Variants in RPS6KC1 observed in about 807,000 individuals in gnomAD.
The protein encoded by RPS6KC1 is ribosomal protein S6 kinase C1.
In RPS6KC1, 54 loss-of-function variants were observed where a neutral mutation model predicts 103.8. The ratio of observed to expected loss-of-function variants is 0.52; its 90% CI spans 0.42 to 0.65. The LOEUF is 0.65. Ranked by LOEUF, RPS6KC1 falls within the 30% of genes least tolerant of loss-of-function variation. The pLI is 0.00. For missense variants in RPS6KC1, 1,151 were observed against 1,253.8 expected (o/e 0.92, Z 1.24); for synonymous variants, 439 against 438.7 (o/e 1.00, Z -0.01).
the RPS6KC1 span, among the ~76,000 whole-genome samples, chr1:213,375,571 G>A: frequency 6.6e-6 from 1 of 152,200 alleles, no homozygotes; most frequent in Non-Finnish European, 1.5e-5. Context: ...GTTGAGGGAT[G>A]TAGGAGATTG....
At chr1:213,363,667 T>TTTCG in the RPS6KC1 span, among the ~76,000 whole-genome samples, 1 of 100,118 alleles carries the variant, frequency 1.0e-5, no homozygotes, top group African/African-American at 5.6e-5. Flanking sequence ...TCTTTCTTTC[T>TTTCG]TTCTTTCTTT....
chr1:213,268,526 C>G (rs1036691904), intron 14 of RPS6KC1, among the ~76,000 whole-genome samples: 1 of 147,416 alleles, frequency 6.8e-6, no homozygotes, highest in East Asian at 2.0e-4. Context: ...ATAGAAAAGA[C>G]AAAAAAATAT....
chr1:213,785,973 G>A, the RPS6KC1 span, among the ~76,000 whole-genome samples: 1 of 152,086 alleles, frequency 6.6e-6, no homozygotes, highest in Non-Finnish European at 1.5e-5. Flanking sequence ...AATAGGTAAA[G>A]GAAGCCCTTG....
intron 5 of RPS6KC1, among the ~76,000 whole-genome samples, chr1:213,126,360 G>C (rs2084993364): frequency 6.6e-6 from 1 of 152,080 alleles, no homozygotes; most frequent in Admixed American, 6.6e-5. Flanking sequence ...AATCTCATTT[G>C]AGATTGTCGG....
chr1:213,477,994 C>T, the RPS6KC1 span, among the ~76,000 whole-genome samples: 1 of 152,136 alleles, frequency 6.6e-6, no homozygotes, highest in Non-Finnish European at 1.5e-5. Flanking sequence ...AGAGTAGTTT[C>T]ACAGCCCTAA....
the RPS6KC1 span, among the ~76,000 whole-genome samples, chr1:213,782,987 A>G: frequency 1.3e-5 from 2 of 152,106 alleles, no homozygotes; most frequent in African/African-American, 4.8e-5. Flanking sequence ...GTAACTCACC[A>G]TTTCGGAAGC....
intron 8 of RPS6KC1, among the ~76,000 whole-genome samples, chr1:213,220,217 T>A (rs928076286): frequency 2.0e-5 from 3 of 152,218 alleles, no homozygotes; most frequent in African/African-American, 7.2e-5. Context: ...TACATTAATG[T>A]TTAATAATGC....
At chr1:213,142,005 A>G (rs1449830906) in intron 6 of RPS6KC1, among the ~76,000 whole-genome samples, 1 of 152,002 alleles carries the variant, frequency 6.6e-6, no homozygotes, top group African/African-American at 2.4e-5. Flanking sequence ...GTGATTATCT[A>G]AGTCTCTTTA....
At chr1:213,565,352 T>C in the RPS6KC1 span, among the ~76,000 whole-genome samples, 1 of 152,272 alleles carries the variant, frequency 6.6e-6, no homozygotes, top group South Asian at 2.1e-4. Context: ...GTCCTTAGAG[T>C]AGAAAGAGGC....
intron 8 of RPS6KC1, among the ~76,000 whole-genome samples, chr1:213,211,618 A>G (rs560931940): frequency 7.9e-5 from 12 of 152,354 alleles, no homozygotes; most frequent in Admixed American, 2.6e-4. Flanking sequence ...TATACAAAGT[A>G]AAATTCTTTT....
At chr1:213,135,133 G>A (rs1469137969) in intron 6 of RPS6KC1, among the ~76,000 whole-genome samples, 1 of 152,050 alleles carries the variant, frequency 6.6e-6, no homozygotes, top group Non-Finnish European at 1.5e-5. Flanking sequence ...CTCTTGCAGG[G>A]GTGTTGGATT....
chr1:213,087,983 T>A (rs1236813583), intron 3 of RPS6KC1, among the ~76,000 whole-genome samples: 1 of 152,222 alleles, frequency 6.6e-6, no homozygotes, highest in Admixed American at 6.5e-5. Flanking sequence ...AGCCTTGGTC[T>A]GCTTTAACCC....
chr1:213,660,259 T>G, the RPS6KC1 span, among the ~76,000 whole-genome samples: 1 of 152,192 alleles, frequency 6.6e-6, no homozygotes, highest in Admixed American at 6.5e-5. Flanking sequence ...GGACTGAAAT[T>G]TTAATGTAGG....
At chr1:213,274,811 A>G (rs1414040948), downstream of RPS6KC1, 2 of 152,186 alleles carry the variant, frequency 1.3e-5, no homozygotes, top group African/African-American at 2.4e-5. Flanking sequence ...TAAAATATAC[A>G]TAACATAAAA....
At chr1:213,148,390 A>T (rs1015711893) in intron 6 of RPS6KC1, among the ~76,000 whole-genome samples, 1 of 152,096 alleles carries the variant, frequency 6.6e-6, no homozygotes, top group African/African-American at 2.4e-5. Flanking sequence ...TCATGAAGGG[A>T]CATTGAATTT....
chr1:213,462,003 A>C, the RPS6KC1 span, among the ~76,000 whole-genome samples: 1 of 152,172 alleles, frequency 6.6e-6, no homozygotes, highest in Non-Finnish European at 1.5e-5. Context: ...ATGGGAGAAA[A>C]ATTTTGCAAT....
intron 8 of RPS6KC1, among the ~76,000 whole-genome samples, chr1:213,207,429 C>T (rs1481341808): frequency 2.0e-5 from 3 of 152,194 alleles, no homozygotes; most frequent in Non-Finnish European, 2.9e-5. Context: ...TCTATTCTTT[C>T]TGAGGGCTGC....
At chr1:213,336,959 T>C in the RPS6KC1 span, among the ~76,000 whole-genome samples, 1 of 152,304 alleles carries the variant, frequency 6.6e-6, no homozygotes, top group African/African-American at 2.4e-5. Context: ...TGCAAAGGGG[T>C]GACAGTATCT....
the RPS6KC1 span, among the ~76,000 whole-genome samples, chr1:213,623,589 G>T: frequency 3.3e-5 from 5 of 152,046 alleles, no homozygotes; most frequent in African/African-American, 4.8e-5. Context: ...GTTGACCAGG[G>T]GTGTTTCAGA....
Sources: gnomAD v4.1 joint callset for allele counts (sites outside exome capture counted in the v4.1 genomes callset) on GRCh38, gnomAD v4.1.1 for gene constraint, MANE v1.5 for transcripts, NCBI Gene and HGNC (gene_info 2026-07-23, HGNC 2026-07-21) for gene names.